The following SNAP25 variants were observed in gnomAD, a reference collection of about 807,000 sequenced individuals.
The protein encoded by SNAP25 is synaptosome associated protein 25.
In SNAP25, 3 loss-of-function variants were observed where a neutral mutation model predicts 28.7. The observed-to-expected ratio is 0.10, with a 90% CI of 0.05 to 0.27. SNAP25 has a LOEUF of 0.27. SNAP25 is among the 10% of genes least tolerant of loss of function. The pLI is 1.00. For missense variants in SNAP25, 117 were observed against 278.7 expected (o/e 0.42, Z 4.13); for synonymous variants, 61 against 88.1 (o/e 0.69, Z 1.72).
At chr20:10,289,656 G>C (rs997627669) in intron 4 of SNAP25, among the ~76,000 whole-genome samples, 1 of 149,282 alleles carries the variant, frequency 6.7e-6, no homozygotes, top group African/African-American at 2.5e-5. Flanking sequence ...TAAATGCTAA[G>C]AAAAATGAAA....
intron 1 of SNAP25, among the ~76,000 whole-genome samples, chr20:10,234,943 T>A (rs996784285): frequency 6.6e-6 from 1 of 152,218 alleles, no homozygotes; most frequent in Non-Finnish European, 1.5e-5. Context: ...TGCACCTGTA[T>A]CCCAGCTATT....
At chr20:10,260,260 C>T (rs746097589) in intron 1 of SNAP25, among the ~76,000 whole-genome samples, 10 of 152,106 alleles carry the variant, frequency 6.6e-5, no homozygotes, top group Non-Finnish European at 1.0e-4. Flanking sequence ...TTAAGGAAAA[C>T]AAGCCTCAGG....
At chr20:10,296,771 CTGTT>C (rs1255130789) in intron 5 of SNAP25, 150 bp from the exon 6 acceptor site, 2 of 1,083,386 alleles carry the variant, frequency 1.8e-6, no homozygotes, top group African/African-American at 1.6e-5. Context: ...TGGTGGCCAA[CTGTT>C]TGGGTCTGGA....
chr20:10,219,774 CCTGAGACCCCGGTCTTA>C (rs1214069904), intron 1 of SNAP25: 42 of 152,206 alleles, frequency 2.8e-4, no homozygotes, highest in African/African-American at 9.4e-4. Context: ...AAATTGTCTC[CCTGAGACCCCGGTCTTA>C]CGGAGACCCT....
intron 1 of SNAP25, among the ~76,000 whole-genome samples, chr20:10,221,033 T>A (rs2062623261): frequency 1.3e-5 from 2 of 152,248 alleles, no homozygotes; most frequent in African/African-American, 4.8e-5. Flanking sequence ...TAAAAGAAGT[T>A]TATAACTTTG....
chr20:10,287,142 G>T (rs920256047), intron 4 of SNAP25, among the ~76,000 whole-genome samples: 3 of 152,054 alleles, frequency 2.0e-5, no homozygotes, highest in Non-Finnish European at 2.9e-5. Flanking sequence ...GGCAACAAAA[G>T]CCAAAATTGA....
chr20:10,275,748 C>G (rs189389936), intron 2 of SNAP25, among the ~76,000 whole-genome samples, 185 bp downstream of exon 2: 10 of 152,320 alleles, frequency 6.6e-5, no homozygotes, highest in Non-Finnish European at 1.0e-4. Context: ...ATAGAAGCTG[C>G]ATACAAATTA....
intron 1 of SNAP25, among the ~76,000 whole-genome samples, chr20:10,237,145 A>T (rs899077256): frequency 6.6e-6 from 1 of 152,020 alleles, no homozygotes; most frequent in Non-Finnish European, 1.5e-5. Context: ...ACAGGGATTC[A>T]AAGAAAGTCA....
chr20:10,282,881 G>T (rs1247452252), intron 3 of SNAP25, among the ~76,000 whole-genome samples: 1 of 152,172 alleles, frequency 6.6e-6, no homozygotes, highest in Non-Finnish European at 1.5e-5. Flanking sequence ...ACAGACAAAA[G>T]CCTGTTTACA....
intron 7 of SNAP25, among the ~76,000 whole-genome samples, chr20:10,305,597 T>C (rs1364779891): frequency 1.3e-5 from 2 of 152,164 alleles, no homozygotes; most frequent in African/African-American, 4.8e-5. Flanking sequence ...TTCAAACCCA[T>C]GATGTCCAAG....
chr20:10,269,160 G>A (rs768892936), intron 1 of SNAP25, among the ~76,000 whole-genome samples: 3 of 152,064 alleles, frequency 2.0e-5, no homozygotes, highest in Non-Finnish European at 2.9e-5. Flanking sequence ...CCTGTAACCC[G>A]GCACTTTGGG....
At chr20:10,225,687 C>T (rs2062723803) in intron 1 of SNAP25, among the ~76,000 whole-genome samples, 1 of 152,090 alleles carries the variant, frequency 6.6e-6, no homozygotes, top group African/African-American at 2.4e-5. Flanking sequence ...CTTAATCTTC[C>T]AAGGTGGTCC....
rs188137827 is a variant in SNAP25, at chr20:10,249,618, G to A, written c.-63-25811G>A. Among the ~76,000 whole-genome samples, 11 of 152,230 alleles carry A rather than the reference G, an allele frequency of 7.2e-5. No homozygotes were observed. In the East Asian group the frequency reaches 1.9e-3, roughly 27 times the overall value. On this transcript the variant is annotated intron_variant, in intron 1 of 7. Transcript: ENST00000254976. ...ATGTAGGACCAGCTTGGAGCTCTCT[G>A]GGTGTCCATCCTTCCTGCTCAGTGT...
At chr20:10,244,602 T>G (rs1351180481) in intron 1 of SNAP25, among the ~76,000 whole-genome samples, 4 of 152,202 alleles carry the variant, frequency 2.6e-5, no homozygotes, top group African/African-American at 7.2e-5. Flanking sequence ...CACTACATGA[T>G]GCTATGTGGG....
chr20:10,259,167 G>C (rs902052432), intron 1 of SNAP25, among the ~76,000 whole-genome samples: 10 of 152,108 alleles, frequency 6.6e-5, no homozygotes, highest in Admixed American at 2.0e-4. Flanking sequence ...ATTCAGCAGA[G>C]GTGATAATAA....
chr20:10,268,920 T>A lies in SNAP25; in HGVS notation c.-63-6509T>A, dbSNP rs116096725. ...AGATGTTTCTGTCTCCCACCACTACTGCTGGGGCTGGGAACATTTGTCCAC... is the reference window on the plus strand; with the variant it reads ...AGATGTTTCTGTCTCCCACCACTACAGCTGGGGCTGGGAACATTTGTCCAC... On this transcript the variant is annotated intron_variant, in intron 1 of 7. Coordinates refer to ENST00000254976, the MANE Select transcript of SNAP25 (RefSeq NM_130811.4). 7.2e-3 allele frequency among the ~76,000 whole-genome samples: 1,094 copies of A among 152,238 alleles called. 10 individuals carry two copies. Among genetic ancestry groups the A allele is most frequent in the African/African-American group, 0.025 (1,049 of 41,524 alleles).
In SNAP25 at chr20:10,293,260, G is replaced by T. The variant is rs1329113870; in HGVS notation, c.263G>T (p.Cys88Phe). ...GACCTAGGAAAATTCTGCGGGCTTT[G>T]TGTGTGTCCCTGTAACAAGTAGGTG... ...LTDLGKFCGLCVCPCNKLKSS... is the reference protein window; with the variant it reads ...LTDLGKFCGLFVCPCNKLKSS... Residue 88 changes from cysteine to phenylalanine, a missense_variant, in exon 5 of 8, where the codon TGT becomes TTT. Physicochemically the swap from Cys to Phe is radical, Grantham distance 205 (BLOSUM62 -2). Transcript: ENST00000254976. The surrounding 1 kb of genome is among the most constrained non-coding windows in gnomAD (Gnocchi z 5.6). 1.2e-6 allele frequency: 2 copies of T among 1,613,816 alleles called. No individual in the cohort carries two copies. Among genetic ancestry groups the T allele is most frequent in the South Asian group, 1.1e-5 (1 of 91,096 alleles).
At chr20:10,233,649 TTCTC>T (rs760902569) in intron 1 of SNAP25, among the ~76,000 whole-genome samples, 14 of 152,154 alleles carry the variant, frequency 9.2e-5, no homozygotes, top group Non-Finnish European at 5.9e-5. Context: ...CCTCTTCTGC[TTCTC>T]TCTCAAGGTG....
rs1303684179 is a variant in SNAP25 at position 10,230,337 on chromosome 20, A to G, written c.-64+11360A>G. On this transcript the variant is annotated intron_variant, in intron 1 of 7. Transcript: ENST00000254976. Reference sequence around the variant, plus strand: ...CGGAGAGTCCCATTTTGTGGGACAAAGTAGGAATTGATGAGTCTTTGAGAG... The same window carrying G: ...CGGAGAGTCCCATTTTGTGGGACAAGGTAGGAATTGATGAGTCTTTGAGAG... 2.6e-5 allele frequency among the ~76,000 whole-genome samples: 4 copies of G among 152,150 alleles called. No homozygotes were observed. The South Asian group carries it at 8.3e-4, about 31-fold the overall frequency.
Sources: allele counts gnomAD v4.1 joint callset (sites outside exome capture counted in the v4.1 genomes callset), GRCh38; gene constraint gnomAD v4.1.1; non-coding constraint Gnocchi (gnomAD v3.1); transcripts MANE v1.5; gene names NCBI Gene and HGNC (gene_info 2026-07-23, HGNC 2026-07-21).